Variants in TTC39B observed in about 807,000 individuals in gnomAD.
The protein encoded by TTC39B is tetratricopeptide repeat domain 39B.
In TTC39B, 92 loss-of-function variants were observed where a neutral mutation model predicts 96.6. The observed-to-expected ratio is 0.95, with a 90% CI of 0.80 to 1.13. The LOEUF (loss-of-function observed/expected upper bound fraction) is 1.13, where lower values mean the gene tolerates loss of function less well. Among genes scored for constraint, TTC39B ranks in the 50% most tolerant of loss-of-function variants. TTC39B has a pLI of 0.00. For missense variants in TTC39B, 955 were observed against 809.3 expected (o/e 1.18, Z -2.18); for synonymous variants, 367 against 299.4 (o/e 1.23, Z -2.33).
chr9:15,194,641 C>T (rs553626170), intron 8 of TTC39B, among the ~76,000 whole-genome samples: 4 of 152,338 alleles, frequency 2.6e-5, no homozygotes, highest in Non-Finnish European at 4.4e-5. Flanking sequence ...ATTTTTCCAA[C>T]AATATGTGCT....
chr9:15,213,772 G>A (rs780077319), intron 4 of TTC39B, among the ~76,000 whole-genome samples: 3 of 152,126 alleles, frequency 2.0e-5, no homozygotes, highest in Non-Finnish European at 4.4e-5. Context: ...ATTGAGATCA[G>A]CATATTCTGG....
exon 20 of TTC39B, chr9:15,171,872 A>T: frequency 2.1e-6 from 1 of 483,378 alleles, no homozygotes; most frequent in Non-Finnish European, 3.6e-6. Flanking sequence ...GACCAACAGT[A>T]AATCTCTCAG....
chr9:15,241,935 G>T (rs192315505), intron 2 of TTC39B, among the ~76,000 whole-genome samples: 2 of 151,902 alleles, frequency 1.3e-5, no homozygotes, highest in East Asian at 3.9e-4. Flanking sequence ...TAGTAGAAAC[G>T]GAGTTTCATC....
At chr9:15,285,633 T>C (rs1587009013) in intron 1 of TTC39B, among the ~76,000 whole-genome samples, 1 of 152,240 alleles carries the variant, frequency 6.6e-6, no homozygotes, top group African/African-American at 2.4e-5. Flanking sequence ...GGCGGGCGGA[T>C]CACGAGGTCA....
At chr9:15,177,539 C>T (rs763635077) in intron 18 of TTC39B, among the ~76,000 whole-genome samples, 158 bp downstream of exon 18, 3 of 152,078 alleles carry the variant, frequency 2.0e-5, no homozygotes, top group South Asian at 2.1e-4. Flanking sequence ...ATTTTGTTCA[C>T]GAGGAAGAAC....
At chr9:15,301,137 G>C (rs1226305951) in intron 1 of TTC39B, among the ~76,000 whole-genome samples, 1 of 152,090 alleles carries the variant, frequency 6.6e-6, no homozygotes, top group African/African-American at 2.4e-5. Flanking sequence ...TTGAAACCTA[G>C]TTCAAATACC....
intron 3 of TTC39B, among the ~76,000 whole-genome samples, chr9:15,215,587 GT>G (rs1178839826): frequency 6.6e-6 from 1 of 150,634 alleles, no homozygotes; most frequent in Non-Finnish European, 1.5e-5. Flanking sequence ...GACAGGCACG[GT>G]GGCTCATGCC....
At chr9:15,169,954 T>C (rs1393760107) in exon 20 of TTC39B, 2 of 152,136 alleles carry the variant, frequency 1.3e-5, no homozygotes, top group Non-Finnish European at 2.9e-5. Context: ...GAATATATGC[T>C]CAGTATACCC....
At chr9:15,200,949 A>T (rs1819502212) in intron 7 of TTC39B, among the ~76,000 whole-genome samples, 1 of 152,226 alleles carries the variant, frequency 6.6e-6, no homozygotes, top group South Asian at 2.1e-4. Context: ...CAGTGAGCCA[A>T]GATCGCGCCA....
intron 13 of TTC39B, among the ~76,000 whole-genome samples, chr9:15,188,771 C>G (rs576148743): frequency 2.4e-4 from 37 of 152,228 alleles, no homozygotes; most frequent in African/African-American, 6.7e-4. Flanking sequence ...CTGGAACAAT[C>G]TTAAGTGAGG....
At position 15,217,564 on chromosome 9, in the gene TTC39B, T is replaced by C. The variant is rs1820592892; in HGVS notation, c.372-3315A>G. 6.6e-5 allele frequency among the ~76,000 whole-genome samples: 10 copies of C among 152,318 alleles called. No homozygotes were observed. In the South Asian group the frequency reaches 2.1e-3, roughly 32 times the overall value. ...TAAGGAATGACCAGGAGAGCAACTT[T>C]CACCATGGCCAAGACTTCTGTCAAG... On this transcript the variant is annotated intron_variant, in intron 3 of 19. Coordinates refer to ENST00000512701, the Ensembl canonical transcript of TTC39B.
chr9:15,265,655 G>T (rs1035916806), intron 2 of TTC39B, among the ~76,000 whole-genome samples: 2 of 152,154 alleles, frequency 1.3e-5, no homozygotes, highest in Non-Finnish European at 2.9e-5. Flanking sequence ...GGGAGGAGGG[G>T]AAAAAGGGCA....
chr9:15,183,565 C>T, intron 16 of TTC39B: 1 of 302,000 alleles, frequency 3.3e-6, no homozygotes, highest in South Asian at 2.8e-5. Flanking sequence ...GTTAACCTTC[C>T]CTATGGTTCT....
chr9:15,181,548 G>A (rs1818249867), intron 17 of TTC39B, among the ~76,000 whole-genome samples: 1 of 152,186 alleles, frequency 6.6e-6, no homozygotes. Context: ...CAGACTGCCT[G>A]ATTCTGATAC....
At chr9:15,219,448 T>G (rs528878128) in intron 3 of TTC39B, among the ~76,000 whole-genome samples, 11 of 152,304 alleles carry the variant, frequency 7.2e-5, no homozygotes, top group African/African-American at 2.6e-4. Flanking sequence ...ATAAGATCTA[T>G]TGATTAAAAG....
intron 16 of TTC39B, among the ~76,000 whole-genome samples, chr9:15,185,072 T>C (rs1818446648): frequency 6.6e-6 from 1 of 152,246 alleles, no homozygotes; most frequent in African/African-American, 2.4e-5. Flanking sequence ...GTAGCCTTTA[T>C]CGTAATGCCT....
At position 15,192,620 on chromosome 9, in the gene TTC39B, AC is replaced by A; in HGVS notation, c.899del (p.Gly300ValfsTer11). The A allele has an allele frequency of 6.2e-7, 1 of 1,614,006 alleles. No homozygotes were observed. ...TAAAGGCCCCACTGCCAAGCTTGAC[AC>A]CCCCTTCAAACTCATAGAAGAATTC... On this transcript the variant is annotated frameshift_variant, in exon 9 of 20. Transcript: ENST00000512701. LOFTEE classifies it high-confidence loss of function.
chr9:15,265,584 T>C (rs1020083856), intron 2 of TTC39B, among the ~76,000 whole-genome samples: 1 of 152,142 alleles, frequency 6.6e-6, no homozygotes, highest in African/African-American at 2.4e-5. Context: ...TTGCCCACCA[T>C]AGAAGTGATT....
At chr9:15,196,141 T>C (rs1163789413) in intron 8 of TTC39B, among the ~76,000 whole-genome samples, 1 of 152,244 alleles carries the variant, frequency 6.6e-6, no homozygotes, top group Admixed American at 6.5e-5. Flanking sequence ...CAAAGTATTA[T>C]TGCTCACTGA....
Sources: gnomAD v4.1 joint callset for allele counts (sites outside exome capture counted in the v4.1 genomes callset) on GRCh38, gnomAD v4.1.1 for gene constraint, MANE v1.5 for transcripts, NCBI Gene and HGNC (gene_info 2026-07-23, HGNC 2026-07-21) for gene names.